AFG1L: variants seen among roughly 807,000 people sequenced by gnomAD.
AFG1L encodes the protein AFG1-like ATPase.
AFG1L carries 53 observed loss-of-function variants against 62.2 expected under a neutral mutation model. The ratio of observed to expected loss-of-function variants is 0.85; its 90% CI spans 0.68 to 1.07. AFG1L has a LOEUF of 1.07. Among genes scored for constraint, AFG1L ranks in the 50% least tolerant of loss-of-function variants. The pLI, the probability that AFG1L is intolerant of heterozygous loss-of-function variation, is 0.00. For synonymous variants in AFG1L, 228 were observed against 210.3 expected, an observed-to-expected ratio of 1.08 and a Z score of -0.73; for missense variants, 555 against 590.5, an observed-to-expected ratio of 0.94 and a Z score of 0.62.
At chr6:108,315,308 A>C (rs1301977499) in intron 1 of AFG1L, among the ~76,000 whole-genome samples, 1 of 152,202 alleles carries the variant, frequency 6.6e-6, no homozygotes, top group African/African-American at 2.4e-5. Flanking sequence ...TGCCTCATCT[A>C]TAACCTTAGG....
At chr6:108,476,062 C>T (rs1382955224) in intron 8 of AFG1L, among the ~76,000 whole-genome samples, 2 of 151,936 alleles carry the variant, frequency 1.3e-5, no homozygotes, top group Non-Finnish European at 2.9e-5. Flanking sequence ...CTCTTTTTAA[C>T]AGTTTATTTC....
At chr6:108,495,363 C>A (rs1037781194) in intron 10 of AFG1L, among the ~76,000 whole-genome samples, 1 of 152,082 alleles carries the variant, frequency 6.6e-6, no homozygotes, top group Non-Finnish European at 1.5e-5. Flanking sequence ...CCCTTAGGAC[C>A]GTATAATCTA....
intron 1 of AFG1L, among the ~76,000 whole-genome samples, chr6:108,314,055 C>A (rs1169118950): frequency 6.6e-6 from 1 of 152,058 alleles, no homozygotes; most frequent in Non-Finnish European, 1.5e-5. Flanking sequence ...GCCAACATGA[C>A]CCCATCTCTA....
At chr6:108,321,271 A>G (rs1401716616) in intron 1 of AFG1L, among the ~76,000 whole-genome samples, 1 of 152,202 alleles carries the variant, frequency 6.6e-6, no homozygotes, top group East Asian at 1.9e-4. Flanking sequence ...AATTTTGCTT[A>G]TGTTTACTGA....
intron 8 of AFG1L, among the ~76,000 whole-genome samples, chr6:108,457,634 T>C (rs191227569): frequency 1.1e-4 from 17 of 152,178 alleles, no homozygotes; most frequent in Middle Eastern, 6.8e-3. Context: ...TTAAAGAGAT[T>C]TTTAAAATAA....
chr6:108,498,295 A>C (rs552456800), intron 10 of AFG1L, among the ~76,000 whole-genome samples: 1 of 152,350 alleles, frequency 6.6e-6, no homozygotes, highest in East Asian at 1.9e-4. Context: ...GGATATGGAC[A>C]AGGAGGCAAG....
chr6:108,386,376 G>A (rs989188458), intron 6 of AFG1L, among the ~76,000 whole-genome samples: 2 of 151,858 alleles, frequency 1.3e-5, no homozygotes, highest in East Asian at 1.9e-4. Context: ...CAGGAGAATC[G>A]CTTGAACTTG....
At chr6:108,343,070 C>CT (rs1318016021) in intron 2 of AFG1L, among the ~76,000 whole-genome samples, 3,131 of 143,814 alleles carry the variant, frequency 0.022, 99 homozygotes, top group African/African-American at 0.07. Context: ...TTTTCTTTTT[C>CT]TTTTTTTTTT....
At chr6:108,429,674 A>C (rs1230134887) in intron 7 of AFG1L, among the ~76,000 whole-genome samples, 1 of 152,130 alleles carries the variant, frequency 6.6e-6, no homozygotes, top group Non-Finnish European at 1.5e-5. Context: ...TTTGGTTACT[A>C]TAGCCTTGCA....
intron 1 of AFG1L, chr6:108,295,861 A>C (rs1451391725): frequency 1.3e-5 from 2 of 152,150 alleles, no homozygotes; most frequent in Non-Finnish European, 2.9e-5. Context: ...ATTCGCACTA[A>C]ACTGCACGAT....
At chr6:108,314,723 A>C (rs1777528753) in intron 1 of AFG1L, among the ~76,000 whole-genome samples, 1 of 152,186 alleles carries the variant, frequency 6.6e-6, no homozygotes, top group Non-Finnish European at 1.5e-5. Context: ...AGAGGGGTTA[A>C]GTTTAATAAT....
At chr6:108,493,723 G>A (rs745425897) in intron 10 of AFG1L, among the ~76,000 whole-genome samples, 1 of 152,150 alleles carries the variant, frequency 6.6e-6, no homozygotes, top group African/African-American at 2.4e-5. Context: ...TTACCATGTC[G>A]TGGATATGCT....
chr6:108,500,578 T>C (rs1774156028), intron 10 of AFG1L, among the ~76,000 whole-genome samples: 1 of 152,230 alleles, frequency 6.6e-6, no homozygotes, highest in African/African-American at 2.4e-5. Context: ...CATGCCTTTG[T>C]TGTGAATAGT....
rs933351394 is a variant in AFG1L at position 108,323,958 on chromosome 6, T to C, written c.273T>C (p.Asp91=). Residue 91 remains aspartate (D), a synonymous_variant, in exon 2 of 13, where the codon GAT becomes GAC. Transcript: ENST00000368977. ...FLIKAHELKD[D]EHQRRVIQCL... ...TCAAAGCTCATGAGCTAAAGGATGA[T>C]GAACATCAAAGAAGAGTCATACAGT... 2 of 1,614,136 alleles carry C rather than the reference T, an allele frequency of 1.2e-6. No individual in the cohort carries two copies. The highest frequency in any genetic ancestry group is 1.7e-6 in the Non-Finnish European group (2 of 1,179,994).
intron 1 of AFG1L, among the ~76,000 whole-genome samples, chr6:108,321,516 T>G (rs1442491248): frequency 3.3e-5 from 5 of 152,186 alleles, no homozygotes; most frequent in Admixed American, 6.5e-5. Context: ...TAGAGTCACC[T>G]CCTTAACATA....
At chr6:108,501,531 T>A (rs532680355) in intron 10 of AFG1L, among the ~76,000 whole-genome samples, 2 of 152,352 alleles carry the variant, frequency 1.3e-5, no homozygotes, top group African/African-American at 4.8e-5. Flanking sequence ...ATCATATTAC[T>A]GTCCAATGCA....
intron 1 of AFG1L, among the ~76,000 whole-genome samples, chr6:108,319,098 C>G (rs140607739): frequency 6.6e-6 from 1 of 152,236 alleles, no homozygotes; most frequent in East Asian, 1.9e-4. Context: ...GAAGTCTACA[C>G]TATTAAATCA....
chr6:108,454,490 T>C (rs1000408654), intron 8 of AFG1L, among the ~76,000 whole-genome samples: 1 of 152,188 alleles, frequency 6.6e-6, no homozygotes, highest in Non-Finnish European at 1.5e-5. Context: ...CTGGTAAGTC[T>C]TGATTGCTGT....
chr6:108,521,801 C>G (rs1775135178), intron 12 of AFG1L: 2 of 153,048 alleles, frequency 1.3e-5, no homozygotes, highest in African/African-American at 4.8e-5. Flanking sequence ...GTCCCAGCAG[C>G]TGAAGACTAA....
Sources: allele counts gnomAD v4.1 joint callset (sites outside exome capture counted in the v4.1 genomes callset), GRCh38; gene constraint gnomAD v4.1.1; transcripts MANE v1.5; gene names NCBI Gene and HGNC (gene_info 2026-07-23, HGNC 2026-07-21).